Variants in AQP4 observed in about 807,000 individuals in gnomAD.
AQP4 encodes aquaporin-4.
A neutral mutation model predicts 27.8 loss-of-function variants in AQP4; 18 were observed. The observed-to-expected ratio is 0.65, with a 90% confidence interval of 0.45 to 0.96. The LOEUF is 0.96. Among genes scored for constraint, AQP4 ranks in the 40% least tolerant of loss-of-function variants. The probability of loss-of-function intolerance (pLI) is 0.00; values close to 1 mark genes in which losing one functional copy is unlikely to be tolerated. For missense variants in AQP4, 412 were observed against 408.2 expected, an observed-to-expected ratio of 1.01 and a Z score of -0.08; for synonymous variants, 141 against 142.9, an observed-to-expected ratio of 0.99 and a Z score of 0.10.
At chr18:26,857,788 G>C (rs369987298) in intron 4 of AQP4, among the ~76,000 whole-genome samples, 2 of 152,114 alleles carry the variant, frequency 1.3e-5, no homozygotes, top group Non-Finnish European at 2.9e-5. Context: ...CACTGTCCCC[G>C]GGCCAGCCGT....
Position 26,856,161 on chromosome 18 carries a change from T to C in AQP4, c.*50A>G, listed in dbSNP as rs1246145630. On this transcript the variant is annotated 3_prime_UTR_variant, in exon 5 of 5. Coordinates refer to ENST00000383168, the MANE Select transcript of AQP4 (RefSeq NM_001650.7). ...TGTTTCCTTAATGGGTGGAAGGAAA[T>C]CTGAGGACAGTTCTAAGGAGTCTTG... 6.2e-7 allele frequency: 1 copy of C among 1,606,756 alleles called. No individual in the cohort carries two copies.
chr18:26,860,218 A>G (rs2054915888), intron 4 of AQP4, among the ~76,000 whole-genome samples: 1 of 152,210 alleles, frequency 6.6e-6, no homozygotes, highest in Non-Finnish European at 1.5e-5. Flanking sequence ...AATAACATAA[A>G]CCTTTGCACT....
intron 1 of AQP4, among the ~76,000 whole-genome samples, chr18:26,863,419 G>T (rs1238168657): frequency 1.3e-5 from 2 of 152,140 alleles, no homozygotes; most frequent in African/African-American, 4.8e-5. Flanking sequence ...AGGCTCCCGG[G>T]CGGCGGCCAG....
chr18:26,865,220 C>G (rs1463215897), intron 1 of AQP4: 2 of 297,278 alleles, frequency 6.7e-6, no homozygotes. Context: ...TATATGTTCA[C>G]AGTCACTGGA....
chr18:26,862,681 G>T lies in AQP4; in HGVS notation c.33-85C>A, dbSNP rs1176566426. 15 of 1,584,366 alleles carry T rather than the reference G, an allele frequency of 9.5e-6. No individual in the cohort carries two copies. In the South Asian group the frequency reaches 1.6e-4, roughly 16 times the overall value. ...GAAGGGAACAAGGCCTGCCATCTTCGGGTACTGTGGGCAGGGGCTGCCAGG... is the reference window on the plus strand; with the variant it reads ...GAAGGGAACAAGGCCTGCCATCTTCTGGTACTGTGGGCAGGGGCTGCCAGG... On this transcript the variant is annotated intron_variant, in intron 1 of 4. Transcript: ENST00000383168.
intron 2 of AQP4, 90 bp from the exon 3 acceptor site, chr18:26,861,385 T>C: frequency 7.3e-7 from 1 of 1,364,506 alleles, no homozygotes; most frequent in Non-Finnish European, 1.0e-6. Flanking sequence ...ACATTTTATC[T>C]GTGTAAAAAG....
Position 26,865,701 on chromosome 18 carries a change from C to G in AQP4, c.-12G>C. 6.2e-7 allele frequency: 1 copy of G among 1,614,212 alleles called. No individual in the cohort carries two copies. The highest frequency in any genetic ancestry group is 8.5e-7 in the Non-Finnish European group (1 of 1,180,044). On this transcript the variant is annotated 5_prime_UTR_variant, in exon 1 of 5. Transcript: ENST00000383168. ...GGTCTGTCACTCATGCCTTCCCCAG[C>G]CAGAGTGCAGCTCTCATTGCCTGCC...
rs1393937756 is a variant in AQP4, at chr18:26,856,359, C to A, written c.824G>T (p.Gly275Val). ...AFSKAAQQTK[G>V]SYMEVEDNRS... The stretch of plus-strand genomic sequence containing the variant: ...GTTGTCCTCCACCTCCATGTAGCTT[C>A]CTTTTGTTTGCTGGGCAGCTTTGCT... Residue 275 changes from glycine to valine, a missense_variant, in exon 5 of 5, where the codon GGA becomes GTA. By Grantham distance (109) the Gly-to-Val change is moderately radical. Transcript: ENST00000383168. 1 of 1,614,208 alleles carries A rather than the reference C, an allele frequency of 6.2e-7. No individual in the cohort carries two copies. Among genetic ancestry groups the A allele is most frequent in the Non-Finnish European group, 8.5e-7 (1 of 1,180,034 alleles).
At position 26,859,124 on chromosome 18, in the gene AQP4, T is replaced by C. The variant is rs185845995; in HGVS notation, c.693+1648A>G. 3.4e-3 allele frequency among the ~76,000 whole-genome samples: 515 copies of C among 152,372 alleles called. 2 individuals are homozygous for C. The highest frequency in any genetic ancestry group is 0.012 in the African/African-American group (492 of 41,588). On this transcript the variant is annotated intron_variant, in intron 4 of 4. Transcript: ENST00000383168. ...CAACTGACAAGTAATTAGTAAAATA[T>C]ATTTTTTCATCTACATTTTCAAGTG...
chr18:26,856,759 C>A (rs930860063), intron 4 of AQP4, among the ~76,000 whole-genome samples: 1 of 152,120 alleles, frequency 6.6e-6, no homozygotes, highest in African/African-American at 2.4e-5. Flanking sequence ...TTATGATAAT[C>A]GTTAATGTAA....
chr18:26,860,544 A>G (rs2054922364), intron 4 of AQP4: 2 of 498,218 alleles, frequency 4.0e-6, no homozygotes, highest in African/African-American at 1.9e-5. Flanking sequence ...GGAAAAGACT[A>G]TTATTGGAGG....
Position 26,852,344 on chromosome 18 carries a change from G to A in AQP4, c.*3867C>T, listed in dbSNP as rs1005754897. The A allele has an allele frequency of 6.6e-6, 1 of 152,188 alleles. No individual in the cohort carries two copies. The highest frequency in any genetic ancestry group is 1.5e-5 in the Non-Finnish European group (1 of 68,224). 9.4% of individuals were successfully genotyped at this position (152,188 alleles called of 1,614,324 possible). A position where few individuals can be genotyped will look rare whatever the true frequency, so the allele number is the denominator to read the frequency against. The stretch of plus-strand genomic sequence containing the variant: ...GTTTATATGTTTTCATAAATTGCAT[G>A]TTTATTTAATTAATCCTGAAGAGAA... On this transcript the variant is annotated 3_prime_UTR_variant, in exon 5 of 5. Coordinates refer to ENST00000383168, the MANE Select transcript of AQP4 (RefSeq NM_001650.7).
intron 1 of AQP4, 193 bp from the exon 2 acceptor site, chr18:26,862,789 A>G (rs924035297): frequency 8.7e-5 from 60 of 687,970 alleles, no homozygotes; most frequent in Non-Finnish European, 1.4e-4. Context: ...GTCTCCTTTC[A>G]TTTAATATTC....
At chr18:26,864,407 A>AGG (rs3834827) in intron 1 of AQP4, among the ~76,000 whole-genome samples, 1 of 152,078 alleles carries the variant, frequency 6.6e-6, no homozygotes, top group African/African-American at 2.4e-5. Flanking sequence ...CTGGCTCCAC[A>AGG]GGGGGGTGGC....
At chr18:26,864,511 A>C (rs1443724849) in intron 1 of AQP4, among the ~76,000 whole-genome samples, 1 of 152,166 alleles carries the variant, frequency 6.6e-6, no homozygotes, top group African/African-American at 2.4e-5. Flanking sequence ...TACTCTCTAG[A>C]GGAAAAGAAT....
chr18:26,861,178 T>C lies in AQP4; in HGVS notation c.565A>G (p.Ile189Val). ...DSKRTDVTGS[I>V]ALAIGFSVAI... The stretch of plus-strand genomic sequence containing the variant: ...ACAGAAAATCCAATTGCTAAAGCTA[T>C]TGAGCCAGTGACATCAGTCCGTTTG... The change falls in exon 3 of 5, where the codon ATA becomes GTA. Residue 189 changes from isoleucine (I) to valine (V), a missense_variant. Ile to Val is a conservative substitution (Grantham distance 29). Coordinates refer to ENST00000383168, the MANE Select transcript of AQP4 (RefSeq NM_001650.7). The C allele has an allele frequency of 1.2e-6, 2 of 1,614,096 alleles. No homozygotes were observed. The highest frequency in any genetic ancestry group is 1.7e-6 in the Non-Finnish European group (2 of 1,179,976).
chr18:26,865,759 CG>C, upstream of AQP4: 1 of 1,584,340 alleles, frequency 6.3e-7, no homozygotes, highest in Non-Finnish European at 8.7e-7. Flanking sequence ...AGTCAGATTA[CG>C]GCCACTTGTC....
intron 1 of AQP4, chr18:26,863,335 G>A: frequency 6.6e-6 from 1 of 152,528 alleles, no homozygotes; most frequent in South Asian, 2.1e-4. Flanking sequence ...GCACGGGGAC[G>A]TGTAAACCTC....
intron 2 of AQP4, among the ~76,000 whole-genome samples, chr18:26,861,785 T>A (rs932918369): frequency 1.3e-5 from 2 of 152,234 alleles, no homozygotes; most frequent in Non-Finnish European, 1.5e-5. Context: ...TCTATTTTTT[T>A]AAGCATAACC....
Sources: gnomAD v4.1 joint callset for allele counts (sites outside exome capture counted in the v4.1 genomes callset) on GRCh38, gnomAD v4.1.1 for gene constraint, MANE v1.5 for transcripts, NCBI Gene and HGNC (gene_info 2026-07-23, HGNC 2026-07-21) for gene names.